TMEM266: variants seen among roughly 807,000 people sequenced by gnomAD.
TMEM266 encodes Hv1 related protein 1.
A neutral mutation model predicts 50.5 loss-of-function variants in TMEM266; 33 were observed. The ratio of observed to expected loss-of-function variants is 0.65; its 90% CI spans 0.50 to 0.87. The LOEUF (loss-of-function observed/expected upper bound fraction) is 0.87, where lower values mean the gene tolerates loss of function less well. Among genes scored for constraint, TMEM266 ranks in the 40% least tolerant of loss-of-function variants. The pLI is 0.00. For synonymous variants in TMEM266, 310 were observed against 292.3 expected (o/e 1.06, Z -0.62); for missense variants, 655 against 695.1 (o/e 0.94, Z 0.65).
At chr15:76,122,527 G>A (rs995909449) in intron 1 of TMEM266, among the ~76,000 whole-genome samples, 8 of 152,124 alleles carry the variant, frequency 5.3e-5, no homozygotes, top group African/African-American at 1.4e-4. Context: ...AATTATATCC[G>A]GGTTCCTAAC....
chr15:76,105,490 T>C (rs1389736468), intron 1 of TMEM266, among the ~76,000 whole-genome samples: 1 of 152,226 alleles, frequency 6.6e-6, no homozygotes, highest in African/African-American at 2.4e-5. Context: ...AAAATTCTTC[T>C]GTAAATGGCT....
At chr15:76,197,906 G>C (rs1567185495) in intron 9 of TMEM266, among the ~76,000 whole-genome samples, 1 of 152,236 alleles carries the variant, frequency 6.6e-6, no homozygotes, top group East Asian at 1.9e-4. Flanking sequence ...CTCCACCCAA[G>C]GGGTAAAACC....
intron 4 of TMEM266, among the ~76,000 whole-genome samples, chr15:76,159,273 C>T (rs183529811): frequency 9.5e-4 from 144 of 152,354 alleles, no homozygotes; most frequent in African/African-American, 3.0e-3. Flanking sequence ...CTTTTGGCCT[C>T]GCTGGCTAAA....
intron 3 of TMEM266, among the ~76,000 whole-genome samples, chr15:76,154,216 T>C (rs1256884223): frequency 2.0e-5 from 3 of 152,224 alleles, no homozygotes; most frequent in East Asian, 1.9e-4. Context: ...AGTATGAGTC[T>C]GTTGTATGCA....
intron 1 of TMEM266, among the ~76,000 whole-genome samples, chr15:76,079,213 C>T (rs867644834): frequency 2.2e-4 from 34 of 151,836 alleles, no homozygotes; most frequent in Admixed American, 5.9e-4. Flanking sequence ...ATTAGCCAGG[C>T]GTGGTGGCAC....
intron 3 of TMEM266, among the ~76,000 whole-genome samples, chr15:76,146,348 ATAAAG>A (rs1273169177): frequency 1.7e-4 from 26 of 151,564 alleles, no homozygotes; most frequent in Admixed American, 1.7e-3. Flanking sequence ...AAAAATAAAA[ATAAAG>A]TAAGAAATGA....
At chr15:76,138,480 C>T (rs2037626959) in intron 3 of TMEM266, among the ~76,000 whole-genome samples, 1 of 152,210 alleles carries the variant, frequency 6.6e-6, no homozygotes. Flanking sequence ...ATCCAATCCC[C>T]TCTATGTACA....
chr15:76,124,465 G>T (rs1168956401), intron 1 of TMEM266, among the ~76,000 whole-genome samples: 1 of 152,130 alleles, frequency 6.6e-6, no homozygotes, highest in East Asian at 1.9e-4. Flanking sequence ...TGTCCATACT[G>T]CCCAAAGCAA....
At chr15:76,102,848 A>AG (rs1326234738) in intron 1 of TMEM266, among the ~76,000 whole-genome samples, 2 of 151,676 alleles carry the variant, frequency 1.3e-5, no homozygotes, top group Non-Finnish European at 2.9e-5. Flanking sequence ...TCCAAAAAAA[A>AG]AAAAAAAAAA....
intron 8 of TMEM266, 51 bp from the exon 9 acceptor site, chr15:76,191,917 C>T: frequency 6.7e-7 from 1 of 1,497,978 alleles, no homozygotes; most frequent in South Asian, 1.3e-5. Flanking sequence ...AGGCTGGAGG[C>T]CCCCGCCGGC....
Position 76,175,767 on chromosome 15 carries a change from A to G in TMEM266, c.768+93A>G, listed in dbSNP as rs557995037. The G allele has an allele frequency of 5.0e-4, 507 of 1,017,562 alleles. 6 individuals carry two copies. In the South Asian group the frequency reaches 7.1e-3, roughly 14 times the overall value. The allele number at this position is 1,017,562 out of a possible 1,614,324, so 63.0% of individuals were successfully genotyped here. On this transcript the variant is annotated intron_variant, in intron 8 of 10. Transcript: ENST00000388942. ...GGGTTGCTAGAGCTGCAGGGGCACC[A>G]GAGGTCAGGGAGTTCCTCCAGCCCC...
At chr15:76,170,897 G>A in intron 6 of TMEM266, 96 bp from the exon 7 acceptor site, 1 of 1,454,156 alleles carries the variant, frequency 6.9e-7, no homozygotes, top group Admixed American at 2.3e-5. Flanking sequence ...CCGGGCTGCT[G>A]GAAAAGTTGG....
chr15:76,202,739 T>C (rs1189953429), intron 10 of TMEM266, among the ~76,000 whole-genome samples: 15 of 152,266 alleles, frequency 9.9e-5, no homozygotes, highest in Non-Finnish European at 1.5e-5. Context: ...AATTGAATTT[T>C]AAAATAACGC....
At position 76,202,236 on chromosome 15, in the gene TMEM266, C is replaced by G; in HGVS notation, c.993C>G (p.Ile331Met). The change falls in exon 10 of 11, where the codon ATC becomes ATG. Residue 331 changes from isoleucine to methionine, a missense_variant. This residue lies in a region of TMEM266 where 455 missense variants were observed against 401.8 expected (regional missense o/e 1.13). Coordinates refer to ENST00000388942, the MANE Select transcript of TMEM266 (RefSeq NM_152335.3). ...TGAAGGACGACATGAACAGCTACATCAGTCAGTATTACAATGGGCCCAGCA... is the reference window on the plus strand; with the variant it reads ...TGAAGGACGACATGAACAGCTACATGAGTCAGTATTACAATGGGCCCAGCA... 1 of 1,613,940 alleles carries G rather than the reference C, an allele frequency of 6.2e-7. No homozygotes were observed. Among genetic ancestry groups the G allele is most frequent in the Non-Finnish European group, 8.5e-7 (1 of 1,179,878 alleles).
intron 8 of TMEM266, among the ~76,000 whole-genome samples, chr15:76,186,267 C>T (rs368182726): frequency 6.6e-6 from 1 of 152,282 alleles, no homozygotes; most frequent in East Asian, 1.9e-4. Context: ...CCCCATCTGA[C>T]TCATGAGGCC....
intron 5 of TMEM266, among the ~76,000 whole-genome samples, chr15:76,166,312 C>T (rs1221420221): frequency 1.2e-4 from 18 of 152,154 alleles, no homozygotes; most frequent in Non-Finnish European, 1.5e-5. Flanking sequence ...GCCACCGCTT[C>T]CCCATCTCTA....
At chr15:76,100,675 A>AGCTTAGGT (rs1316148198) in intron 1 of TMEM266, among the ~76,000 whole-genome samples, 1 of 152,220 alleles carries the variant, frequency 6.6e-6, no homozygotes, top group Non-Finnish European at 1.5e-5. Context: ...CAGAAGACAC[A>AGCTTAGGT]GCTTAGGTTA....
chr15:76,069,541 G>A (rs147011389), intron 1 of TMEM266, among the ~76,000 whole-genome samples: 114 of 152,266 alleles, frequency 7.5e-4, no homozygotes, highest in Non-Finnish European at 1.4e-3. Flanking sequence ...CTGGTGGGCC[G>A]GGTGTGGTGG....
Position 76,171,321 on chromosome 15 carries a change from TCA to T in TMEM266, c.652+194_652+195del, listed in dbSNP as rs1168500971. 2.6e-5 allele frequency among the ~76,000 whole-genome samples: 4 copies of T among 152,210 alleles called. No individual in the cohort carries two copies. In the East Asian group the frequency reaches 7.7e-4, roughly 29 times the overall value. On this transcript the variant is annotated intron_variant, in intron 7 of 10. Coordinates refer to ENST00000388942, the MANE Select transcript of TMEM266 (RefSeq NM_152335.3). The stretch of plus-strand genomic sequence containing the variant: ...CGCGTTCATGCACACTGCCAGGGTG[TCA>T]CACGTACACGCTGAGCTTCCCACTT...
Sources: allele counts gnomAD v4.1 joint callset (sites outside exome capture counted in the v4.1 genomes callset), GRCh38; gene constraint gnomAD v4.1.1; regional missense constraint gnomAD v4.1.1; transcripts MANE v1.5; gene names NCBI Gene and HGNC (gene_info 2026-07-23, HGNC 2026-07-21).